The following CTNNA2 variants were observed in gnomAD, a reference collection of about 807,000 sequenced individuals.
CTNNA2 encodes the protein catenin alpha-2.
In CTNNA2, 42 loss-of-function variants were observed where a neutral mutation model predicts 101.0. The observed-to-expected ratio is 0.42, with a 90% CI of 0.32 to 0.54. The LOEUF is 0.54. Among genes scored for constraint, CTNNA2 ranks in the 20% least tolerant of loss-of-function variants. The pLI, the probability that CTNNA2 is intolerant of heterozygous loss-of-function variation, is 0.14. For missense variants in CTNNA2, 871 were observed against 1,223.1 expected, an observed-to-expected ratio of 0.71 and a Z score of 4.29; for synonymous variants, 450 against 456.4, an observed-to-expected ratio of 0.99 and a Z score of 0.18.
chr2:79,976,970 A>G (rs566219344), intron 7 of CTNNA2, among the ~76,000 whole-genome samples: 1 of 152,196 alleles, frequency 6.6e-6, no homozygotes, highest in African/African-American at 2.4e-5. Flanking sequence ...GAGTTATACA[A>G]TGAATCCTAT....
chr2:80,591,457 GTTTTTTTTT>G lies in CTNNA2; in HGVS notation c.2189+1985_2189+1993del, dbSNP rs567131551. 8.5e-5 allele frequency among the ~76,000 whole-genome samples: 6 copies of G among 70,312 alleles called. 1 individual carries two copies. The South Asian group carries it at 2.6e-3, about 30-fold the overall frequency. 46.1% of individuals were successfully genotyped at this position (70,312 alleles called of 152,430 possible). On this transcript the variant is annotated intron_variant, in intron 15 of 18. Coordinates refer to ENST00000402739, the MANE Select transcript of CTNNA2 (RefSeq NM_001282597.3). ...ATTGCTGCCTCCATCTGCACAGCCT[GTTTTTTTTT>G]TTTTTTTTTTTTGCAAACAGACAGC...
In CTNNA2 at chr2:80,648,674, C is replaced by CTCT. The variant is rs1243023107; in HGVS notation, c.*802_*803insTCT. ...GGAATATTAGAGGGAAGGAAACTGA[C>CTCT]AACGTGTGAAAGTTAGAGGCAAATA... On this transcript the variant is annotated 3_prime_UTR_variant, in exon 19 of 19. Coordinates refer to ENST00000402739, the MANE Select transcript of CTNNA2 (RefSeq NM_001282597.3). 3 of 152,050 alleles carry CTCT rather than the reference C, an allele frequency of 2.0e-5. No individual in the cohort carries two copies. Among genetic ancestry groups the CTCT allele is most frequent in the Non-Finnish European group, 4.4e-5 (3 of 67,992 alleles). The allele number at this position is 152,050 out of a possible 1,614,324, so 9.4% of individuals were successfully genotyped here. A position where few individuals can be genotyped will look rare whatever the true frequency, so the allele number is the denominator to read the frequency against.
intron 9 of CTNNA2, among the ~76,000 whole-genome samples, chr2:80,503,103 G>A (rs1454484604): frequency 3.3e-5 from 5 of 152,216 alleles, no homozygotes; most frequent in South Asian, 4.1e-4. Context: ...AGTCTGGGAG[G>A]TGGAGGCTGC....
At chr2:79,602,699 C>T (rs1388023850) in intron 1 of CTNNA2, among the ~76,000 whole-genome samples, 1 of 152,118 alleles carries the variant, frequency 6.6e-6, no homozygotes, top group East Asian at 1.9e-4. Flanking sequence ...CAGCACCCCT[C>T]TGTACTTGAA....
chr2:80,079,828 T>TAAATAAAATAAAATA (rs61063068), intron 7 of CTNNA2, among the ~76,000 whole-genome samples: 18,783 of 119,694 alleles, frequency 0.16, 1,986 homozygotes, highest in Middle Eastern at 0.23. Flanking sequence ...TAAAATAAAA[T>TAAATAAAATAAAATA]AAATAAAATA....
chr2:79,866,276 G>A (rs1351332326), intron 4 of CTNNA2, among the ~76,000 whole-genome samples: 1 of 152,202 alleles, frequency 6.6e-6, no homozygotes, highest in Non-Finnish European at 1.5e-5. Flanking sequence ...TTCTCTAGAA[G>A]TGTCAGTCTT....
At chr2:79,986,507 G>T (rs1372576809) in intron 7 of CTNNA2, among the ~76,000 whole-genome samples, 1 of 152,100 alleles carries the variant, frequency 6.6e-6, no homozygotes. Context: ...CCATTCTGCA[G>T]CATTATATAA....
At chr2:80,623,909 A>AG (rs1233280424) in intron 18 of CTNNA2, among the ~76,000 whole-genome samples, 3 of 152,034 alleles carry the variant, frequency 2.0e-5, no homozygotes, top group Non-Finnish European at 4.4e-5. Flanking sequence ...AAAATAGTTT[A>AG]GGGTAGTATA....
chr2:80,270,444 C>T (rs1045721879), intron 7 of CTNNA2, among the ~76,000 whole-genome samples: 1 of 152,162 alleles, frequency 6.6e-6, no homozygotes, highest in Non-Finnish European at 1.5e-5. Context: ...GCAGGGAACT[C>T]ATTGTCTTAA....
chr2:80,338,523 G>A (rs1671959886), intron 7 of CTNNA2, among the ~76,000 whole-genome samples: 1 of 152,090 alleles, frequency 6.6e-6, no homozygotes, highest in Non-Finnish European at 1.5e-5. Context: ...GGAGCACTGT[G>A]GGAACATGCT....
At chr2:79,244,867 G>A (rs1674679513) in intron 2 of CTNNA2, among the ~76,000 whole-genome samples, 1 of 152,164 alleles carries the variant, frequency 6.6e-6, no homozygotes, top group South Asian at 2.1e-4. Flanking sequence ...GGCTGAGGCG[G>A]GTGGATCACC....
chr2:79,386,214 T>C (rs1159648060), intron 4 of CTNNA2, among the ~76,000 whole-genome samples: 1 of 152,226 alleles, frequency 6.6e-6, no homozygotes, highest in Non-Finnish European at 1.5e-5. Flanking sequence ...GAGTAGATTC[T>C]ACTCATCTAC....
At chr2:80,480,751 G>A (rs1374102954) in intron 9 of CTNNA2, among the ~76,000 whole-genome samples, 1 of 152,084 alleles carries the variant, frequency 6.6e-6, no homozygotes. Flanking sequence ...TCACATGACA[G>A]CAAGCCATTC....
intron 3 of CTNNA2, among the ~76,000 whole-genome samples, chr2:79,810,795 C>G (rs13013834): frequency 0.46 from 70,157 of 151,506 alleles, 17,355 homozygotes; most frequent in East Asian, 0.82. Context: ...TTTTGTCCTT[C>G]AGATAGTTTG....
At chr2:79,743,536 AT>A (rs34075986) in intron 2 of CTNNA2, among the ~76,000 whole-genome samples, 6,157 of 143,690 alleles carry the variant, frequency 0.043, 335 homozygotes, top group African/African-American at 0.13. Flanking sequence ...TATTTTATTT[AT>A]TTTTTTTTTT....
chr2:80,357,644 G>A (rs17019074), intron 7 of CTNNA2, among the ~76,000 whole-genome samples: 35,330 of 151,792 alleles, frequency 0.23, 4,251 homozygotes, highest in East Asian at 0.38. Flanking sequence ...TATTTCTTGA[G>A]GCCTGCATAC....
chr2:80,356,305 T>C (rs1414277244), intron 7 of CTNNA2, among the ~76,000 whole-genome samples: 1 of 152,086 alleles, frequency 6.6e-6, no homozygotes, highest in African/African-American at 2.4e-5. Flanking sequence ...GCTTTGAACA[T>C]AAACAGGGGC....
intron 2 of CTNNA2, among the ~76,000 whole-genome samples, chr2:79,218,311 T>TGTGTG (rs1674293315): frequency 8.7e-6 from 1 of 114,770 alleles, no homozygotes; most frequent in Admixed American, 9.1e-5. Context: ...TTCATGAACT[T>TGTGTG]TGTGTGTGTG....
chr2:80,416,947 A>T (rs1053543837), intron 8 of CTNNA2, among the ~76,000 whole-genome samples: 5 of 151,942 alleles, frequency 3.3e-5, no homozygotes, highest in Non-Finnish European at 5.9e-5. Flanking sequence ...CTTTACTATT[A>T]AAAAGTCTGG....
Sources: gnomAD v4.1 joint callset for allele counts (sites outside exome capture counted in the v4.1 genomes callset) on GRCh38, gnomAD v4.1.1 for gene constraint, MANE v1.5 for transcripts, NCBI Gene and HGNC (gene_info 2026-07-23, HGNC 2026-07-21) for gene names.